The following MYL1 variants were observed in gnomAD, a reference collection of about 807,000 sequenced individuals.
The protein encoded by MYL1 is myosin light chain 1.
Under a neutral mutation model 21.8 loss-of-function variants are expected in MYL1, and 16 were observed. The ratio of observed to expected loss-of-function variants is 0.74; its 90% CI spans 0.50 to 1.12. The LOEUF (loss-of-function observed/expected upper bound fraction) is 1.12, where lower values mean the gene tolerates loss of function less well. MYL1 is among the 50% of genes most tolerant of loss of function. The pLI is 0.00. For missense variants in MYL1, 246 were observed against 241.0 expected, an observed-to-expected ratio of 1.02 and a Z score of -0.14; for synonymous variants, 99 against 85.2, an observed-to-expected ratio of 1.16 and a Z score of -0.89.
At chr2:210,310,627 A>G (rs1281282996) in intron 1 of MYL1, among the ~76,000 whole-genome samples, 1 of 152,232 alleles carries the variant, frequency 6.6e-6, no homozygotes, top group African/African-American at 2.4e-5. Flanking sequence ...TAGATTCCTG[A>G]TATTTCACCC....
intron 4 of MYL1, 101 bp downstream of exon 4, chr2:210,294,143 CT>C (rs1690131591): frequency 8.1e-7 from 1 of 1,235,166 alleles, no homozygotes; most frequent in African/African-American, 1.5e-5. Context: ...CCCATTTTCC[CT>C]TTGTAGTCTT....
chr2:210,314,061 G>A (rs2125745706), intron 1 of MYL1, among the ~76,000 whole-genome samples: 1 of 152,188 alleles, frequency 6.6e-6, no homozygotes, highest in South Asian at 2.1e-4. Flanking sequence ...ATCACTGGAA[G>A]TTAACAGACG....
intron 3 of MYL1, among the ~76,000 whole-genome samples, chr2:210,294,864 CA>C (rs2125739130): frequency 6.6e-6 from 1 of 152,234 alleles, no homozygotes; most frequent in East Asian, 1.9e-4. Context: ...TGAGATACAA[CA>C]AACTCATTAG....
chr2:210,304,547 A>C (rs1690311070), intron 1 of MYL1, among the ~76,000 whole-genome samples: 1 of 152,040 alleles, frequency 6.6e-6, no homozygotes, highest in Non-Finnish European at 1.5e-5. Context: ...ACTTTATTTT[A>C]TTTTATTATT....
Position 210,314,986 on chromosome 2 carries a change from G to C in MYL1, c.57C>G (p.Ala19=). Residue 19 remains alanine (A), a synonymous_variant, in exon 1 of 7, where the codon GCC becomes GCG. Coordinates refer to ENST00000352451, the MANE Select transcript of MYL1 (RefSeq NM_079420.3). ...GGGCAGGTGCAGGTGCCGGTGCCGGGGCTGGGGCAGCCGCAGCCGCAGCCA... is the reference window on the plus strand; with the variant it reads ...GGGCAGGTGCAGGTGCCGGTGCCGGCGCTGGGGCAGCCGCAGCCGCAGCCA... ...KPVAAAAAAP[A]PAPAPAPAPA... The C allele has an allele frequency of 6.2e-7, 1 of 1,610,858 alleles. No individual in the cohort carries two copies. Among genetic ancestry groups the C allele is most frequent in the Non-Finnish European group, 8.5e-7 (1 of 1,179,080 alleles).
At chr2:210,308,218 A>G (rs967800623) in intron 1 of MYL1, among the ~76,000 whole-genome samples, 7 of 151,776 alleles carry the variant, frequency 4.6e-5, no homozygotes. Context: ...CTGGATGTAT[A>G]TAAATCCTTA....
intron 1 of MYL1, among the ~76,000 whole-genome samples, chr2:210,309,787 A>G (rs1456062710): frequency 6.6e-6 from 1 of 152,054 alleles, no homozygotes; most frequent in Non-Finnish European, 1.5e-5. Context: ...TTGCAGCACT[A>G]AAATGCCGAG....
At chr2:210,303,073 A>T in intron 1 of MYL1, 1 of 460,014 alleles carries the variant, frequency 2.2e-6, no homozygotes, top group Non-Finnish European at 3.8e-6. Context: ...GTCTAATAAG[A>T]TACACGGTGT....
chr2:210,293,294 A>G (rs1690109588), intron 5 of MYL1, among the ~76,000 whole-genome samples: 1 of 152,222 alleles, frequency 6.6e-6, no homozygotes, highest in African/African-American at 2.4e-5. Context: ...GAAAAGAAGT[A>G]AATTTTACCA....
At chr2:210,294,650 T>G (rs1252763538) in intron 3 of MYL1, among the ~76,000 whole-genome samples, 1 of 152,200 alleles carries the variant, frequency 6.6e-6, no homozygotes, top group African/African-American at 2.4e-5. Context: ...CTGACAGTGC[T>G]CTAGTTAACC....
At chr2:210,314,867 T>C (rs1331365199) in intron 1 of MYL1, 44 bp downstream of exon 1, 6 of 1,608,726 alleles carry the variant, frequency 3.7e-6, no homozygotes, top group African/African-American at 1.3e-5. Flanking sequence ...ATCCTTACTA[T>C]TGAAAGATGT....
chr2:210,310,262 G>A lies in MYL1; in HGVS notation c.132+4649C>T, dbSNP rs536757805. Among the ~76,000 whole-genome samples the A allele has an allele frequency of 5.3e-4, 81 of 152,100 alleles. 1 individual carries two copies. Among genetic ancestry groups the A allele is most frequent in the African/African-American group, 1.4e-3 (57 of 41,548 alleles). On this transcript the variant is annotated intron_variant, in intron 1 of 6. Coordinates refer to ENST00000352451, the MANE Select transcript of MYL1 (RefSeq NM_079420.3). ...ATACATATTTTTACCTGTGTTTTTC[G>A]AATTAGAAATTGATTACATGTGTTC...
In MYL1 at chr2:210,298,358, A is replaced by ACACACACACACACACTGC. The variant is rs1204832206; in HGVS notation, c.304+61_304+62insGCAGTGTGTGTGTGTGTG. The ACACACACACACACACTGC allele has an allele frequency of 9.5e-6, 15 of 1,580,300 alleles. No individual in the cohort carries two copies. In the East Asian group the frequency reaches 3.4e-4, roughly 36 times the overall value. On this transcript the variant is annotated intron_variant, in intron 3 of 6. Transcript: ENST00000352451. ...ACATACTACACACACACACACACACACACACACACTGCTACACACTTCCCT... is the reference window on the plus strand; with the variant it reads ...ACATACTACACACACACACACACACACACACACACACACACTGCCACACACACTGCTACACACTTCCCT...
intron 2 of MYL1, among the ~76,000 whole-genome samples, chr2:210,301,002 C>T (rs1690256891): frequency 6.6e-6 from 1 of 152,160 alleles, no homozygotes; most frequent in Non-Finnish European, 1.5e-5. Flanking sequence ...TGCTGAACTT[C>T]TGTGTCTAAA....
At chr2:210,312,440 A>G (rs1690429914) in intron 1 of MYL1, among the ~76,000 whole-genome samples, 1 of 151,880 alleles carries the variant, frequency 6.6e-6, no homozygotes, top group Non-Finnish European at 1.5e-5. Flanking sequence ...TAATATATCT[A>G]GAAACATTAT....
chr2:210,292,057 CA>C (rs1409672365), intron 5 of MYL1, among the ~76,000 whole-genome samples: 1 of 152,032 alleles, frequency 6.6e-6, no homozygotes, highest in African/African-American at 2.4e-5. Flanking sequence ...AATGATATCT[CA>C]GTGTAGTTTT....
At chr2:210,293,389 T>A (rs1348298493) in intron 5 of MYL1, among the ~76,000 whole-genome samples, 1 of 152,244 alleles carries the variant, frequency 6.6e-6, no homozygotes, top group Non-Finnish European at 1.5e-5. Context: ...TGCTTCATAT[T>A]AGTAAATGAC....
intron 2 of MYL1, among the ~76,000 whole-genome samples, chr2:210,301,258 C>T (rs1690261960): frequency 6.6e-6 from 1 of 152,080 alleles, no homozygotes; most frequent in African/African-American, 2.4e-5. Context: ...AAAAGTCCTT[C>T]ATAGTATAAT....
intron 1 of MYL1, among the ~76,000 whole-genome samples, chr2:210,308,185 C>T (rs182342508): frequency 6.3e-4 from 95 of 151,678 alleles, no homozygotes; most frequent in African/African-American, 5.3e-4. Context: ...TCTGATTTAA[C>T]GCCTGGCAGA....
Sources: gnomAD v4.1 joint callset for allele counts (sites outside exome capture counted in the v4.1 genomes callset) on GRCh38, gnomAD v4.1.1 for gene constraint, MANE v1.5 for transcripts, NCBI Gene and HGNC (gene_info 2026-07-23, HGNC 2026-07-21) for gene names.